KIAA1217: variants seen among roughly 807,000 people sequenced by gnomAD.
The protein encoded by KIAA1217 is sickle tail protein homolog.
A neutral mutation model predicts 163.9 loss-of-function variants in KIAA1217; 88 were observed. The ratio of observed to expected loss-of-function variants is 0.54; its 90% CI spans 0.45 to 0.64. The LOEUF (loss-of-function observed/expected upper bound fraction) is 0.64. KIAA1217 is among the 30% of genes least tolerant of loss of function. The pLI is 0.00. For synonymous variants in KIAA1217, 903 were observed against 923.1 expected, an observed-to-expected ratio of 0.98 and a Z score of 0.39; for missense variants, 2,372 against 2,475.0, an observed-to-expected ratio of 0.96 and a Z score of 0.88.
At chr10:24,023,530 C>T (rs1847821005) in intron 2 of KIAA1217, among the ~76,000 whole-genome samples, 2 of 151,408 alleles carry the variant, frequency 1.3e-5, no homozygotes, top group African/African-American at 4.8e-5. Flanking sequence ...AATTGGAGGA[C>T]CTACTTTCGA....
At chr10:24,402,457 C>T (rs1288899945) in intron 3 of KIAA1217, among the ~76,000 whole-genome samples, 4 of 147,252 alleles carry the variant, frequency 2.7e-5, no homozygotes, top group Admixed American at 6.8e-5. Flanking sequence ...TGCAGTGAGC[C>T]GAGATCGCGC....
At chr10:24,364,789 C>CT (rs5783890) in intron 2 of KIAA1217, among the ~76,000 whole-genome samples, 8,906 of 148,378 alleles carry the variant, frequency 0.06, 482 homozygotes, top group African/African-American at 0.14. Flanking sequence ...TTCTTCCTTT[C>CT]TTTTTTTTTT....
rs2062214776 is a variant in KIAA1217 at position 24,097,624 on chromosome 10, A to C, written c.-171+90250A>C. Among the ~76,000 whole-genome samples the C allele has an allele frequency of 2.6e-5, 4 of 152,218 alleles. No homozygotes were observed. In the South Asian group the frequency reaches 8.3e-4, roughly 32 times the overall value. ...GAAATTTTTTAAATAGTAAGAAATTAAGAAGAAAAGAACTGGGTTTCAGAG... is the reference window on the plus strand; with the variant it reads ...GAAATTTTTTAAATAGTAAGAAATTCAGAAGAAAAGAACTGGGTTTCAGAG... On this transcript the variant is annotated intron_variant, in intron 2 of 18. Transcript: ENST00000376462.
intron 1 of KIAA1217, among the ~76,000 whole-genome samples, chr10:23,907,193 C>T (rs184049582): frequency 8.5e-5 from 13 of 152,138 alleles, no homozygotes; most frequent in African/African-American, 2.6e-4. Flanking sequence ...TCTTTTCACC[C>T]TCCTTTCTTT....
At chr10:24,090,511 C>T (rs769683404) in intron 2 of KIAA1217, among the ~76,000 whole-genome samples, 1 of 151,296 alleles carries the variant, frequency 6.6e-6, no homozygotes, top group Non-Finnish European at 1.5e-5. Context: ...CCAAACAGAG[C>T]TAATCTTTCC....
Position 23,730,180 on chromosome 10 carries a change from C to T in KIAA1217, c.-321+34946C>T, listed in dbSNP as rs534836503. ...CCTCCCAAAGTGCTGGGATTACAGGCGTGAGCCACCATGCCCGGCTTCTAT... is the reference window on the plus strand; with the variant it reads ...CCTCCCAAAGTGCTGGGATTACAGGTGTGAGCCACCATGCCCGGCTTCTAT... On this transcript the variant is annotated intron_variant, in intron 1 of 18. Coordinates refer to the KIAA1217 transcript ENST00000376462. Among the ~76,000 whole-genome samples the T allele has an allele frequency of 3.9e-5, 6 of 152,264 alleles. No individual in the cohort carries two copies. In the South Asian group the frequency reaches 1.0e-3, roughly 26 times the overall value.
chr10:23,937,665 CCTTAA>C (rs1554826897), intron 1 of KIAA1217, among the ~76,000 whole-genome samples: 1 of 152,166 alleles, frequency 6.6e-6, no homozygotes, highest in Non-Finnish European at 1.5e-5. Context: ...CCCCATGGCA[CCTTAA>C]CTTAATTTGG....
intron 2 of KIAA1217, among the ~76,000 whole-genome samples, chr10:24,262,126 C>T (rs1447933594): frequency 6.6e-6 from 1 of 152,036 alleles, no homozygotes; most frequent in Non-Finnish European, 1.5e-5. Flanking sequence ...GAAGAGAAAG[C>T]TAAAGGGGAT....
chr10:24,493,945 C>A (rs978653455), intron 6 of KIAA1217, among the ~76,000 whole-genome samples: 1 of 152,276 alleles, frequency 6.6e-6, no homozygotes, highest in Middle Eastern at 3.4e-3. Flanking sequence ...CAGGTGTGAG[C>A]CACCGCGCCC....
At chr10:23,946,267 TAAA>T (rs35262067) in intron 1 of KIAA1217, among the ~76,000 whole-genome samples, 4 of 115,748 alleles carry the variant, frequency 3.5e-5, no homozygotes, top group Admixed American at 9.3e-5. Flanking sequence ...CTCTTCCGTT[TAAA>T]AAAAAAAAAA....
At chr10:23,886,354 A>G (rs1358274938) in intron 1 of KIAA1217, among the ~76,000 whole-genome samples, 1 of 151,942 alleles carries the variant, frequency 6.6e-6, no homozygotes, top group African/African-American at 2.4e-5. Flanking sequence ...GATTGTCTCC[A>G]GTGTCCACGT....
At chr10:23,706,574 A>C (rs1178013181) in intron 1 of KIAA1217, among the ~76,000 whole-genome samples, 1 of 152,152 alleles carries the variant, frequency 6.6e-6, no homozygotes, top group East Asian at 1.9e-4. Flanking sequence ...CATATTAACT[A>C]ATTTTTGATA....
chr10:24,080,684 A>G (rs888176964), intron 2 of KIAA1217, among the ~76,000 whole-genome samples: 1 of 152,218 alleles, frequency 6.6e-6, no homozygotes, highest in Non-Finnish European at 1.5e-5. Context: ...ATTTGACTTG[A>G]TGTGTAAATA....
chr10:23,705,511 A>G (rs554795461), intron 1 of KIAA1217, among the ~76,000 whole-genome samples: 49 of 152,162 alleles, frequency 3.2e-4, no homozygotes, highest in Non-Finnish European at 5.6e-4. Context: ...AAAAGTAATC[A>G]AATTTTCTTG....
intron 1 of KIAA1217, among the ~76,000 whole-genome samples, chr10:23,940,477 AAAAAAAAGAAAAAAG>A (rs1843720783): frequency 1.3e-5 from 2 of 150,872 alleles, no homozygotes; most frequent in African/African-American, 4.9e-5. Flanking sequence ...AAAAAAAAAA[AAAAAAAAGAAAAAAG>A]AAAAAAAGAA....
chr10:24,059,793 C>A (rs968606286), intron 2 of KIAA1217, among the ~76,000 whole-genome samples: 1 of 152,134 alleles, frequency 6.6e-6, no homozygotes, highest in Non-Finnish European at 1.5e-5. Context: ...TCTCGATCTC[C>A]TGACCTCACG....
intron 2 of KIAA1217, among the ~76,000 whole-genome samples, chr10:24,070,394 A>C (rs2061140727): frequency 6.6e-6 from 1 of 152,244 alleles, no homozygotes; most frequent in Non-Finnish European, 1.5e-5. Context: ...ACTTAGACAT[A>C]AAATAGTAAG....
rs189652346 is a variant in KIAA1217, at chr10:23,811,819, C to A, written c.-321+116585C>A. On this transcript the variant is annotated intron_variant, in intron 1 of 18. Transcript: ENST00000376462. The stretch of plus-strand genomic sequence containing the variant: ...CTCAGGGGATTCTCAGGTTTCTAAA[C>A]CTGCTTTCTAAGAGGATGCTGTGCC... Among the ~76,000 whole-genome samples, 36 of 152,190 alleles carry A rather than the reference C, an allele frequency of 2.4e-4. No homozygotes were observed. The East Asian group carries it at 6.4e-3, about 27-fold the overall frequency.
At position 24,005,777 on chromosome 10, in the gene KIAA1217, T is replaced by C. The variant is rs142525289; in HGVS notation, c.-320-1448T>C. Among the ~76,000 whole-genome samples the C allele has an allele frequency of 5.2e-3, 792 of 152,288 alleles. 14 individuals carry two copies. Among genetic ancestry groups the C allele is most frequent in the African/African-American group, 0.018 (756 of 41,556 alleles). On this transcript the variant is annotated intron_variant, in intron 1 of 18. Transcript: ENST00000376462. ...TCATTCAGTGGCCAGTGGAACTTAG[T>C]GTGGTGAATGGAGAAAATGTTGTTC...
Sources: gnomAD v4.1 joint callset for allele counts (sites outside exome capture counted in the v4.1 genomes callset) on GRCh38, gnomAD v4.1.1 for gene constraint, MANE v1.5 for transcripts, NCBI Gene and HGNC (gene_info 2026-07-23, HGNC 2026-07-21) for gene names.